NRG1: variants seen among roughly 807,000 people sequenced by gnomAD.
The protein encoded by NRG1 is neuregulin 1.
NRG1 carries 18 observed loss-of-function variants against 63.8 expected under a neutral mutation model. That is an observed-to-expected ratio of 0.28 (90% CI 0.19 to 0.42). The LOEUF (loss-of-function observed/expected upper bound fraction) is 0.42, where lower values mean the gene tolerates loss of function less well. NRG1 is among the 10% of genes least tolerant of loss of function. The probability of loss-of-function intolerance (pLI) is 1.00; values close to 1 mark genes in which losing one functional copy is unlikely to be tolerated. For synonymous variants in NRG1, 302 were observed against 301.3 expected, an observed-to-expected ratio of 1.00 and a Z score of -0.02; for missense variants, 762 against 814.7, an observed-to-expected ratio of 0.94 and a Z score of 0.79.
chr8:31,777,397 G>C (rs1348326812), intron 1 of NRG1, among the ~76,000 whole-genome samples: 1 of 152,238 alleles, frequency 6.6e-6, no homozygotes, highest in Non-Finnish European at 1.5e-5. Context: ...GAAACACTGA[G>C]GACCAGAGAG....
intron 1 of NRG1, among the ~76,000 whole-genome samples, chr8:31,940,261 A>T (rs1563593920): frequency 6.6e-6 from 1 of 152,122 alleles, no homozygotes; most frequent in Non-Finnish European, 1.5e-5. Context: ...CCCAAACCAT[A>T]CAAATACATG....
chr8:32,154,384 C>G (rs1401366359), intron 1 of NRG1, among the ~76,000 whole-genome samples: 1 of 151,702 alleles, frequency 6.6e-6, no homozygotes, highest in African/African-American at 2.4e-5. Context: ...TTCCTTTCTC[C>G]CACTTCCTGC....
chr8:31,876,788 A>G (rs1032797673), intron 1 of NRG1, among the ~76,000 whole-genome samples: 1 of 152,154 alleles, frequency 6.6e-6, no homozygotes, highest in African/African-American at 2.4e-5. Flanking sequence ...TGATGATGCT[A>G]AATGATTCTT....
At chr8:31,886,477 C>T (rs190380470) in intron 1 of NRG1, among the ~76,000 whole-genome samples, 156 of 151,964 alleles carry the variant, frequency 1.0e-3, no homozygotes, top group African/African-American at 3.6e-3. Context: ...ACTATGAAAA[C>T]AGTATAAAGA....
intron 1 of NRG1, among the ~76,000 whole-genome samples, chr8:32,202,235 G>A (rs1267062316): frequency 1.3e-5 from 2 of 152,162 alleles, no homozygotes; most frequent in African/African-American, 4.8e-5. Context: ...GGCCCTTCAA[G>A]GTACTTTAAA....
intron 1 of NRG1, among the ~76,000 whole-genome samples, chr8:32,264,322 T>C (rs185970269): frequency 1.2e-4 from 19 of 152,256 alleles, no homozygotes; most frequent in African/African-American, 7.2e-5. Flanking sequence ...ATATAACTAA[T>C]TGAATTCATT....
intron 1 of NRG1, among the ~76,000 whole-genome samples, chr8:32,307,166 A>G (rs963417163): frequency 6.6e-6 from 1 of 152,096 alleles, no homozygotes; most frequent in African/African-American, 2.4e-5. Context: ...AAAGGAAACC[A>G]CTCTATGGAA....
At chr8:32,229,055 GC>G (rs1434509301) in intron 1 of NRG1, among the ~76,000 whole-genome samples, 1 of 152,090 alleles carries the variant, frequency 6.6e-6, no homozygotes, top group Non-Finnish European at 1.5e-5. Context: ...TATAAAAAAA[GC>G]CTTCCTAAAG....
At chr8:32,148,241 C>T (rs950571939) in intron 1 of NRG1, among the ~76,000 whole-genome samples, 1 of 152,106 alleles carries the variant, frequency 6.6e-6, no homozygotes, top group East Asian at 1.9e-4. Context: ...TCCAGGTAGA[C>T]ACAGCCAGTA....
chr8:32,392,904 AG>A (rs1811959472), intron 1 of NRG1, among the ~76,000 whole-genome samples: 1 of 152,140 alleles, frequency 6.6e-6, no homozygotes, highest in Non-Finnish European at 1.5e-5. Flanking sequence ...GTAGAGAGAG[AG>A]AGCCCTTGGG....
At chr8:32,019,300 A>G (rs1265493260) in intron 1 of NRG1, among the ~76,000 whole-genome samples, 1 of 152,122 alleles carries the variant, frequency 6.6e-6, no homozygotes, top group African/African-American at 2.4e-5. Context: ...GGTTTTCACC[A>G]TGTTAGCCAG....
intron 1 of NRG1, among the ~76,000 whole-genome samples, chr8:31,950,047 C>G (rs393820): frequency 0.84 from 128,281 of 152,148 alleles, 54,894 homozygotes; most frequent in Non-Finnish European, 0.91. Flanking sequence ...ACCCTGCTGT[C>G]ACCCCTTAGG....
At chr8:32,669,384 G>C (rs1805041996) in intron 5 of NRG1, among the ~76,000 whole-genome samples, 1 of 152,146 alleles carries the variant, frequency 6.6e-6, no homozygotes, top group Admixed American at 6.5e-5. Context: ...GAGCCCAAAA[G>C]AAGTAACCAA....
At chr8:32,323,489 C>T (rs928601849) in intron 1 of NRG1, among the ~76,000 whole-genome samples, 2 of 152,194 alleles carry the variant, frequency 1.3e-5, no homozygotes, top group Non-Finnish European at 2.9e-5. Context: ...AGGGCTCACC[C>T]GCCCATCTCT....
chr8:32,220,994 ATG>A (rs1845755599), intron 1 of NRG1: 2 of 152,236 alleles, frequency 1.3e-5, no homozygotes, highest in Non-Finnish European at 2.9e-5. Context: ...TTTAAAAAAA[ATG>A]AGATTTATCC....
At chr8:31,929,891 C>A (rs918175582) in intron 1 of NRG1, among the ~76,000 whole-genome samples, 1 of 152,194 alleles carries the variant, frequency 6.6e-6, no homozygotes, top group Non-Finnish European at 1.5e-5. Context: ...GCTTCTCATA[C>A]AACCCAAGCC....
chr8:32,548,916 C>G (rs1833524294), intron 1 of NRG1, 90 bp downstream of exon 1: 2 of 1,433,180 alleles, frequency 1.4e-6, no homozygotes, highest in South Asian at 1.4e-5. Context: ...TCTCCCTCCC[C>G]CTCTCCCTCG....
At chr8:32,629,813 G>A (rs188820765) in intron 5 of NRG1, among the ~76,000 whole-genome samples, 71 of 152,132 alleles carry the variant, frequency 4.7e-4, no homozygotes, top group African/African-American at 1.6e-3. Context: ...TTAACTGGTC[G>A]CTGTTCCTCT....
At chr8:32,654,195 T>C (rs997814311) in intron 5 of NRG1, among the ~76,000 whole-genome samples, 12 of 152,208 alleles carry the variant, frequency 7.9e-5, no homozygotes, top group African/African-American at 2.7e-4. Context: ...CACTTGCTTT[T>C]CTTCTCAAAA....
Sources: gnomAD v4.1 joint callset for allele counts (sites outside exome capture counted in the v4.1 genomes callset) on GRCh38, gnomAD v4.1.1 for gene constraint, MANE v1.5 for transcripts, NCBI Gene and HGNC (gene_info 2026-07-23, HGNC 2026-07-21) for gene names.